MACROD2: variants seen among roughly 807,000 people sequenced by gnomAD.
MACROD2 encodes the protein ADP-ribose glycohydrolase MACROD2.
In MACROD2, 36 loss-of-function variants were observed where a neutral mutation model predicts 70.4. The observed-to-expected ratio is 0.51, with a 90% CI of 0.39 to 0.68. MACROD2 has a LOEUF of 0.68. MACROD2 is among the 30% of genes least tolerant of loss of function. MACROD2 has a pLI of 0.00. For missense variants in MACROD2, 496 were observed against 538.4 expected (o/e 0.92, Z 0.78); for synonymous variants, 172 against 178.8 (o/e 0.96, Z 0.30).
intron 8 of MACROD2, among the ~76,000 whole-genome samples, chr20:15,634,554 T>C (rs1050953942): frequency 1.3e-5 from 2 of 152,132 alleles, no homozygotes; most frequent in African/African-American, 2.4e-5. Context: ...TGTCTGTAAA[T>C]TGTTATAGGC....
At chr20:14,386,961 G>A (rs1037791458) in intron 3 of MACROD2, among the ~76,000 whole-genome samples, 2 of 152,108 alleles carry the variant, frequency 1.3e-5, no homozygotes, top group East Asian at 1.9e-4. Context: ...GCTAGAAACC[G>A]GAGAACACCA....
At chr20:14,832,776 C>T (rs1301858609) in intron 5 of MACROD2, among the ~76,000 whole-genome samples, 1 of 152,146 alleles carries the variant, frequency 6.6e-6, no homozygotes. Flanking sequence ...TGAGTGCAAG[C>T]AGTTTACTTG....
At chr20:14,595,337 A>G (rs1379129172) in intron 4 of MACROD2, among the ~76,000 whole-genome samples, 1 of 152,158 alleles carries the variant, frequency 6.6e-6, no homozygotes, top group African/African-American at 2.4e-5. Flanking sequence ...GAGTTCTGCT[A>G]GTGCACTTCC....
intron 5 of MACROD2, among the ~76,000 whole-genome samples, chr20:14,820,121 A>C (rs1178138414): frequency 6.6e-6 from 1 of 152,110 alleles, no homozygotes; most frequent in Non-Finnish European, 1.5e-5. Context: ...GAGAGTTTGC[A>C]CTGAAGAAGG....
intron 5 of MACROD2, among the ~76,000 whole-genome samples, chr20:14,751,228 T>C (rs570713155): frequency 6.6e-6 from 1 of 152,150 alleles, no homozygotes; most frequent in Non-Finnish European, 1.5e-5. Context: ...GTGCCATCCT[T>C]AATGTGAAAT....
chr20:15,608,969 C>T (rs957068417), intron 8 of MACROD2, among the ~76,000 whole-genome samples: 5 of 152,126 alleles, frequency 3.3e-5, no homozygotes, highest in Non-Finnish European at 7.4e-5. Flanking sequence ...GTGCCTGATG[C>T]TGCTCATTCT....
intron 4 of MACROD2, among the ~76,000 whole-genome samples, chr20:14,514,185 G>C (rs903171100): frequency 2.6e-5 from 4 of 152,044 alleles, no homozygotes; most frequent in Non-Finnish European, 5.9e-5. Flanking sequence ...TTGAGGACTA[G>C]CATAACATGA....
chr20:15,454,690 A>G lies in MACROD2; in HGVS notation c.571+23255A>G, dbSNP rs74377039. ...GGCTCTCTTCATAAATCTGTAAAAT[A>G]AAAATGAGCTTTCTCCTTTGTGAAA... On this transcript the variant is annotated intron_variant, in intron 7 of 17. Coordinates refer to ENST00000684519, the MANE Select transcript of MACROD2 (RefSeq NM_001351661.2). 3.4e-5 allele frequency among the ~76,000 whole-genome samples: 2 copies of G among 58,650 alleles called. 1 individual carries two copies. The highest frequency in any genetic ancestry group is 1.2e-4 in the African/African-American group (2 of 16,950). 38.5% of individuals were successfully genotyped at this position (58,650 alleles called of 152,430 possible).
At chr20:15,811,195 AAGGGCT>A (rs1396527599) in intron 8 of MACROD2, among the ~76,000 whole-genome samples, 1 of 151,994 alleles carries the variant, frequency 6.6e-6, no homozygotes, top group Non-Finnish European at 1.5e-5. Flanking sequence ...TCATCTGACA[AAGGGCT>A]AATATCCAGA....
At chr20:15,674,286 G>A (rs2050024678) in intron 8 of MACROD2, among the ~76,000 whole-genome samples, 1 of 152,134 alleles carries the variant, frequency 6.6e-6, no homozygotes, top group Non-Finnish European at 1.5e-5. Flanking sequence ...AACTAGGAGG[G>A]GAATTATAGA....
In MACROD2 at chr20:14,826,884, C is replaced by T. The variant is rs115552363; in HGVS notation, c.418+141925C>T. 1.7e-3 allele frequency among the ~76,000 whole-genome samples: 266 copies of T among 152,242 alleles called. 1 individual carries two copies. The highest frequency in any genetic ancestry group is 6.0e-3 in the African/African-American group (249 of 41,542). ...ATTTGAGGTTAGAAAATTCAGCAGA[C>T]AGCCTAAATGCGGCATCATGCTAAT... On this transcript the variant is annotated intron_variant, in intron 5 of 17. Transcript: ENST00000684519.
intron 3 of MACROD2, among the ~76,000 whole-genome samples, chr20:14,262,891 G>A (rs2082112126): frequency 1.3e-5 from 2 of 152,158 alleles, no homozygotes; most frequent in Admixed American, 6.6e-5. Context: ...GGATTGAAGA[G>A]TAAAGAGAAA....
chr20:15,239,504 G>A (rs1319027050), intron 6 of MACROD2, among the ~76,000 whole-genome samples: 1 of 152,000 alleles, frequency 6.6e-6, no homozygotes, highest in Non-Finnish European at 1.5e-5. Flanking sequence ...TTGCTTTCCT[G>A]GATGTCTTAT....
chr20:14,438,446 T>C (rs545263867), intron 3 of MACROD2, among the ~76,000 whole-genome samples: 1 of 152,312 alleles, frequency 6.6e-6, no homozygotes, highest in African/African-American at 2.4e-5. Context: ...GATTGCTGGA[T>C]CTTATGGCAG....
At chr20:14,839,609 T>C (rs887384874) in intron 5 of MACROD2, among the ~76,000 whole-genome samples, 8 of 152,090 alleles carry the variant, frequency 5.3e-5, no homozygotes, top group African/African-American at 1.9e-4. Context: ...CTTATAGTTG[T>C]CTCTGAGTAT....
At chr20:15,007,378 AC>A (rs200430080) in intron 5 of MACROD2, among the ~76,000 whole-genome samples, 4,123 of 149,538 alleles carry the variant, frequency 0.028, 81 homozygotes, top group Admixed American at 0.047. Flanking sequence ...ACAAAAACAA[AC>A]AAAAAAAAAA....
chr20:15,588,474 C>T (rs6079895), intron 8 of MACROD2, among the ~76,000 whole-genome samples: 1 of 151,766 alleles, frequency 6.6e-6, no homozygotes, highest in Non-Finnish European at 1.5e-5. Context: ...AATTTCTCCT[C>T]AAAAAAAATG....
At chr20:14,916,115 A>C (rs1382816932) in intron 5 of MACROD2, among the ~76,000 whole-genome samples, 1 of 152,166 alleles carries the variant, frequency 6.6e-6, no homozygotes, top group Non-Finnish European at 1.5e-5. Context: ...GAGGCTCCTC[A>C]TCCTATGGTG....
chr20:14,214,423 T>A (rs530734871), intron 3 of MACROD2, among the ~76,000 whole-genome samples: 1 of 152,296 alleles, frequency 6.6e-6, no homozygotes, highest in African/African-American at 2.4e-5. Flanking sequence ...AAAATTTTTC[T>A]TCAGAGTTTG....
Sources: gnomAD v4.1 joint callset for allele counts (sites outside exome capture counted in the v4.1 genomes callset) on GRCh38, gnomAD v4.1.1 for gene constraint, MANE v1.5 for transcripts, NCBI Gene and HGNC (gene_info 2026-07-23, HGNC 2026-07-21) for gene names.